Variants in NUP205 observed in about 807,000 individuals in gnomAD.
The protein encoded by NUP205 is nucleoporin 205, also known as nuclear pore complex protein Nup205.
In NUP205, 76 loss-of-function variants were observed where a neutral mutation model predicts 253.8. The observed-to-expected ratio is 0.30, with a 90% CI of 0.25 to 0.36. The LOEUF (loss-of-function observed/expected upper bound fraction) is 0.36. NUP205 is among the 10% of genes least tolerant of loss of function. The pLI is 1.00. For synonymous variants in NUP205, 832 were observed against 850.1 expected, an observed-to-expected ratio of 0.98 and a Z score of 0.37; for missense variants, 2,162 against 2,425.5, an observed-to-expected ratio of 0.89 and a Z score of 2.28.
intron 22 of NUP205, among the ~76,000 whole-genome samples, chr7:135,610,618 C>G (rs948986578): frequency 6.6e-6 from 1 of 152,168 alleles, no homozygotes; most frequent in Non-Finnish European, 1.5e-5. Context: ...ATCTGAGGCC[C>G]CACTTTAGAC....
At chr7:135,572,453 A>T (rs1806023332) in intron 2 of NUP205, among the ~76,000 whole-genome samples, 1 of 152,196 alleles carries the variant, frequency 6.6e-6, no homozygotes, top group Admixed American at 6.5e-5. Flanking sequence ...TTAATTCTTG[A>T]GTATTTTTAA....
chr7:135,629,621 G>T (rs1794669210), intron 34 of NUP205, among the ~76,000 whole-genome samples: 1 of 151,478 alleles, frequency 6.6e-6, no homozygotes, highest in Non-Finnish European at 1.5e-5. Context: ...CCACCTCCCA[G>T]GTTCAAGTGA....
intron 7 of NUP205, among the ~76,000 whole-genome samples, chr7:135,581,205 T>C (rs1806294185): frequency 6.6e-6 from 1 of 152,214 alleles, no homozygotes. Context: ...GTTCTCTTCA[T>C]AGACTTCTGA....
At chr7:135,588,696 C>G (rs1806540579) in intron 10 of NUP205, among the ~76,000 whole-genome samples, 1 of 150,962 alleles carries the variant, frequency 6.6e-6, no homozygotes, top group Non-Finnish European at 1.5e-5. Context: ...GCACTGTGCC[C>G]CACTTGAATT....
At chr7:135,648,340 A>T in intron 42 of NUP205, 64 bp from the exon 43 acceptor site, 1 of 1,378,222 alleles carries the variant, frequency 7.3e-7, no homozygotes. Flanking sequence ...AAATTGGAAG[A>T]CTTAGAATAA....
chr7:135,597,982 T>G lies in NUP205; in HGVS notation c.2065-16T>G. ...ATAGTTTTTATTACCAAGTTTTCTT[T>G]CTTTTTCTTTGGAAGGTTGAACTAA... On this transcript the variant is annotated splice_polypyrimidine_tract_variant and intron_variant, in intron 14 of 42. Coordinates refer to ENST00000285968, the MANE Select transcript of NUP205 (RefSeq NM_015135.3). 1 of 1,607,914 alleles carries G rather than the reference T, an allele frequency of 6.2e-7. No individual in the cohort carries two copies. Among genetic ancestry groups the G allele is most frequent in the Non-Finnish European group, 8.5e-7 (1 of 1,175,360 alleles).
At chr7:135,563,622 A>G (rs1805658338) in intron 1 of NUP205, among the ~76,000 whole-genome samples, 1 of 152,288 alleles carries the variant, frequency 6.6e-6, no homozygotes, top group Middle Eastern at 3.4e-3. Flanking sequence ...AGGAAAATAA[A>G]TGTATTTCTC....
At chr7:135,620,009 A>G (rs1794444038) in intron 30 of NUP205, 121 bp downstream of exon 30, 1 of 678,556 alleles carries the variant, frequency 1.5e-6, no homozygotes, top group South Asian at 1.9e-5. Flanking sequence ...TGTTAGTGTC[A>G]TTTTTAAAGC....
chr7:135,632,167 G>T (rs1034581117), intron 35 of NUP205, among the ~76,000 whole-genome samples: 2 of 152,198 alleles, frequency 1.3e-5, no homozygotes, highest in African/African-American at 4.8e-5. Context: ...TGACAGGACG[G>T]CCGATTATGA....
At chr7:135,639,812 TG>T (rs1434022122) in intron 38 of NUP205, among the ~76,000 whole-genome samples, 1 of 152,162 alleles carries the variant, frequency 6.6e-6, no homozygotes, top group African/African-American at 2.4e-5. Flanking sequence ...CCAACCCAAA[TG>T]TCCATCAATG....
chr7:135,595,114 TCC>T (rs1213701582), intron 13 of NUP205, among the ~76,000 whole-genome samples: 2 of 152,234 alleles, frequency 1.3e-5, no homozygotes, highest in Non-Finnish European at 2.9e-5. Flanking sequence ...ATCTGCTCTT[TCC>T]TGCCCTATAC....
At position 135,587,617 on chromosome 7, in the gene NUP205, A is replaced by G; in HGVS notation, c.1261A>G (p.Ile421Val). ...TCGGGCAGATGAAGATGCTCGAATG[A>G]TTCACATGAGTATGCAGATGGGTAA... ...RNRADEDARM[I>V]HMSMQMGNEP... The change falls in exon 9 of 43, where the codon ATT becomes GTT. Residue 421 changes from isoleucine to valine, a missense_variant. Around this residue, in one of 5 missense-constraint regions of NUP205, gnomAD observed 892 missense variants for 957.1 expected, o/e 0.93. Transcript: ENST00000285968. 6.8e-6 allele frequency: 11 copies of G among 1,610,162 alleles called. No individual in the cohort carries two copies. Among genetic ancestry groups the G allele is most frequent in the Non-Finnish European group, 9.3e-6 (11 of 1,178,312 alleles).
chr7:135,589,111 A>G (rs1219691446), intron 10 of NUP205, among the ~76,000 whole-genome samples: 2 of 150,502 alleles, frequency 1.3e-5, no homozygotes, highest in East Asian at 3.9e-4. Context: ...TTGAGGTTAC[A>G]GTGAGATGTG....
intron 10 of NUP205, among the ~76,000 whole-genome samples, chr7:135,588,438 G>C (rs2129490164): frequency 6.6e-6 from 1 of 150,980 alleles, no homozygotes; most frequent in South Asian, 2.1e-4. Context: ...ACTGTGCCTA[G>C]CCTACTTTTC....
chr7:135,573,197 C>A (rs1040598933), intron 2 of NUP205, among the ~76,000 whole-genome samples: 1 of 151,966 alleles, frequency 6.6e-6, no homozygotes. Flanking sequence ...CTGTACTGTA[C>A]GTCATATGTT....
At position 135,593,148 on chromosome 7, in the gene NUP205, G is replaced by C; in HGVS notation, c.1786G>C (p.Gly596Arg). 1 of 1,614,044 alleles carries C rather than the reference G, an allele frequency of 6.2e-7. No individual in the cohort carries two copies. The highest frequency in any genetic ancestry group is 2.2e-5 in the East Asian group (1 of 44,866). The part of the protein sequence containing the change: ...SRGITQKEQD[G>R]LIAFLQLTST... ...TGGCATCACCCAGAAGGAGCAAGAT[G>C]GATTGATTGCTTTTTTGCAGCTCAC... is the stretch of plus-strand genomic sequence containing the variant. Residue 596 changes from glycine (G) to arginine (R), a missense_variant, in exon 12 of 43, where the codon GGA becomes CGA. Physicochemically the swap from Gly to Arg is moderately radical, Grantham distance 125 (BLOSUM62 -2). Around this residue, in one of 5 missense-constraint regions of NUP205, gnomAD observed 892 missense variants for 957.1 expected, o/e 0.93. Transcript: ENST00000285968.
In NUP205 at chr7:135,587,887, T is replaced by C. The variant is rs1437134180; in HGVS notation, c.1368T>C (p.His456=). The C allele has an allele frequency of 6.2e-7, 1 of 1,613,886 alleles. No homozygotes were observed. ...AGCTATATAAAAAGAACCCTTTTCA[T>C]CTGGAGCTTGCTCTAGAATATTGGT... The part of the protein sequence containing the change: ...IGELYKKNPF[H]LELALEYWCP... The change falls in exon 10 of 43, where the codon CAT becomes CAC. Residue 456 remains histidine, a synonymous_variant. Coordinates refer to ENST00000285968, the MANE Select transcript of NUP205 (RefSeq NM_015135.3).
chr7:135,564,822 C>T lies in NUP205; in HGVS notation c.29-6283C>T, dbSNP rs184035896. The stretch of plus-strand genomic sequence containing the variant: ...TCACTCTGTCTTCCAGACTGGAGTG[C>T]AGTGGTGCGCTCTTGGCTCACTGCA... On this transcript the variant is annotated intron_variant, in intron 1 of 42. Transcript: ENST00000285968. Among the ~76,000 whole-genome samples the T allele has an allele frequency of 2.2e-4, 34 of 151,970 alleles. No individual in the cohort carries two copies. In the Middle Eastern group the frequency reaches 0.017, roughly 76 times the overall value.
At chr7:135,600,544 G>A (rs2129490517) in intron 15 of NUP205, among the ~76,000 whole-genome samples, 1 of 152,238 alleles carries the variant, frequency 6.6e-6, no homozygotes, top group Admixed American at 6.5e-5. Flanking sequence ...CTTGAAAAGT[G>A]TCCAAATTTG....
Sources: gnomAD v4.1 joint callset for allele counts (sites outside exome capture counted in the v4.1 genomes callset) on GRCh38, gnomAD v4.1.1 for gene constraint, gnomAD v4.1.1 regional missense constraint, MANE v1.5 for transcripts, NCBI Gene and HGNC (gene_info 2026-07-23, HGNC 2026-07-21) for gene names.